NHEJ1: variants seen among roughly 807,000 people sequenced by gnomAD.
The protein encoded by NHEJ1 is non-homologous end joining factor 1.
NHEJ1 carries 22 observed loss-of-function variants against 39.4 expected under a neutral mutation model. The observed-to-expected ratio is 0.56, with a 90% CI of 0.40 to 0.80. The LOEUF is 0.80. Among genes scored for constraint, NHEJ1 ranks in the 30% least tolerant of loss-of-function variants. The pLI is 0.00. For synonymous variants in NHEJ1, 154 were observed against 135.6 expected (o/e 1.14, Z -0.94); for missense variants, 329 against 357.1 (o/e 0.92, Z 0.63).
chr2:219,087,727 T>C (rs1949124481), intron 5 of NHEJ1, among the ~76,000 whole-genome samples: 1 of 152,150 alleles, frequency 6.6e-6, no homozygotes, highest in Non-Finnish European at 1.5e-5. Flanking sequence ...GGTAAAGATT[T>C]CTTAACAGGA....
chr2:219,159,806 C>T (rs578202205), intron 1 of NHEJ1, among the ~76,000 whole-genome samples: 11 of 151,912 alleles, frequency 7.2e-5, no homozygotes, highest in African/African-American at 2.7e-4. Flanking sequence ...TTTCATCTCC[C>T]TTATAGGCAC....
intron 5 of NHEJ1, among the ~76,000 whole-genome samples, chr2:219,119,026 C>A (rs909582539): frequency 3.3e-5 from 5 of 152,170 alleles, no homozygotes; most frequent in African/African-American, 1.2e-4. Flanking sequence ...TTCTCAGGAC[C>A]AACAAACCTC....
At chr2:219,077,172 T>A in intron 7 of NHEJ1, 74 bp downstream of exon 7, 1 of 1,108,762 alleles carries the variant, frequency 9.0e-7, no homozygotes, top group Non-Finnish European at 1.4e-6. Context: ...AAGCAGCAAT[T>A]CCAGGGACCA....
At chr2:219,101,976 G>A (rs188849659) in intron 5 of NHEJ1, among the ~76,000 whole-genome samples, 1 of 151,976 alleles carries the variant, frequency 6.6e-6, no homozygotes, top group African/African-American at 2.4e-5. Context: ...CGCCCGCCTC[G>A]GCTTCCCAAA....
At chr2:219,105,057 T>C (rs768126862) in intron 5 of NHEJ1, among the ~76,000 whole-genome samples, 3 of 152,204 alleles carry the variant, frequency 2.0e-5, no homozygotes, top group Non-Finnish European at 2.9e-5. Flanking sequence ...TTGAGTGCTG[T>C]CACTGCTTGA....
chr2:219,072,794 A>C lies in NHEJ1; in HGVS notation c.*3587T>G, dbSNP rs879480341. ...GGCTTACTCTATACTCTCTGGAGCG[A>C]ATCTGTGTAGTTTTGTAAGTAGGAG... is the stretch of plus-strand genomic sequence containing the variant. On this transcript the variant is annotated 3_prime_UTR_variant, in exon 8 of 8. Coordinates refer to ENST00000356853, the MANE Select transcript of NHEJ1 (RefSeq NM_024782.3). Among the ~76,000 whole-genome samples the C allele has an allele frequency of 1.3e-5, 2 of 152,198 alleles. No individual in the cohort carries two copies. Among genetic ancestry groups the C allele is most frequent in the Admixed American group, 1.3e-4 (2 of 15,276 alleles).
At chr2:219,088,730 T>C (rs549295350) in intron 5 of NHEJ1, among the ~76,000 whole-genome samples, 28 of 152,344 alleles carry the variant, frequency 1.8e-4, no homozygotes, top group Admixed American at 7.8e-4. Flanking sequence ...GTTACACAGC[T>C]ATGTTAATTT....
At chr2:219,128,368 A>T (rs1949543961) in intron 5 of NHEJ1, among the ~76,000 whole-genome samples, 1 of 152,226 alleles carries the variant, frequency 6.6e-6, no homozygotes, top group African/African-American at 2.4e-5. Flanking sequence ...TTAAGACCAT[A>T]TGTCAGATTA....
At chr2:219,151,127 C>CA (rs59576120) in intron 3 of NHEJ1, among the ~76,000 whole-genome samples, 2,846 of 54,740 alleles carry the variant, frequency 0.052, 157 homozygotes, top group African/African-American at 0.16. Flanking sequence ...GACCTTATCT[C>CA]AAAAAAAAAA....
chr2:219,141,675 G>C (rs1041543248), intron 5 of NHEJ1, among the ~76,000 whole-genome samples: 4 of 152,116 alleles, frequency 2.6e-5, no homozygotes, highest in African/African-American at 9.7e-5. Context: ...AGGTGGAAAT[G>C]CCAAACATGC....
intron 5 of NHEJ1, among the ~76,000 whole-genome samples, chr2:219,110,484 T>C (rs376661442): frequency 6.6e-6 from 1 of 151,488 alleles, no homozygotes; most frequent in Non-Finnish European, 1.5e-5. Flanking sequence ...GTTTGCACCA[T>C]TGCACTCCAG....
chr2:219,135,344 C>T (rs769018364), intron 5 of NHEJ1, among the ~76,000 whole-genome samples: 1 of 152,116 alleles, frequency 6.6e-6, no homozygotes, highest in East Asian at 1.9e-4. Flanking sequence ...CAGTGGCTCA[C>T]GCCTGTAATC....
At chr2:219,139,368 A>T (rs1949668501) in intron 5 of NHEJ1, among the ~76,000 whole-genome samples, 1 of 152,028 alleles carries the variant, frequency 6.6e-6, no homozygotes, top group African/African-American at 2.4e-5. Flanking sequence ...GATTACAGGC[A>T]TGAGCCACCC....
At position 219,075,373 on chromosome 2, in the gene NHEJ1, G is replaced by A. The variant is rs763906447; in HGVS notation, c.*1008C>T. ...TATTATTGTTTGATCATCTTCTCTCGAGACTTGACATCAGGACAGAAACGC... is the reference window on the plus strand; with the variant it reads ...TATTATTGTTTGATCATCTTCTCTCAAGACTTGACATCAGGACAGAAACGC... On this transcript the variant is annotated 3_prime_UTR_variant, in exon 8 of 8. Coordinates refer to ENST00000356853, the MANE Select transcript of NHEJ1 (RefSeq NM_024782.3). The A allele has an allele frequency of 2.0e-5, 3 of 151,990 alleles. No homozygotes were observed. Among genetic ancestry groups the A allele is most frequent in the Non-Finnish European group, 2.9e-5 (2 of 68,010 alleles). 9.4% of individuals were successfully genotyped at this position (151,990 alleles called of 1,614,324 possible).
intron 5 of NHEJ1, among the ~76,000 whole-genome samples, chr2:219,103,948 C>T (rs1021468378): frequency 1.3e-5 from 2 of 152,122 alleles, no homozygotes; most frequent in African/African-American, 4.8e-5. Context: ...CTCTAGAGCA[C>T]ACATATGTAA....
At chr2:219,159,928 G>T (rs6705865) in intron 1 of NHEJ1, among the ~76,000 whole-genome samples, 76,192 of 151,822 alleles carry the variant, frequency 0.5, 21,492 homozygotes, top group Non-Finnish European at 0.64. Flanking sequence ...TTTGTCTGTT[G>T]GGTAAAGGGG....
At position 219,121,440 on chromosome 2, in the gene NHEJ1, T is replaced by C. The variant is rs1046276140; in HGVS notation, c.588+25240A>G. On this transcript the variant is annotated intron_variant, in intron 5 of 7. Coordinates refer to ENST00000356853, the MANE Select transcript of NHEJ1 (RefSeq NM_024782.3). ...CTACTCTCTGAATTAAATAATTCCATTGTCCTTGGATTTTTCTTATTTATC... is the reference window on the plus strand; with the variant it reads ...CTACTCTCTGAATTAAATAATTCCACTGTCCTTGGATTTTTCTTATTTATC... Among the ~76,000 whole-genome samples the C allele has an allele frequency of 2.0e-5, 3 of 152,234 alleles. No individual in the cohort carries two copies. The East Asian group carries it at 5.8e-4, about 29-fold the overall frequency.
intron 3 of NHEJ1, among the ~76,000 whole-genome samples, chr2:219,154,008 G>A (rs1949824745): frequency 6.6e-6 from 1 of 152,160 alleles, no homozygotes; most frequent in Non-Finnish European, 1.5e-5. Context: ...GTAAATACAA[G>A]GATAGTAACT....
At chr2:219,159,578 T>TATATATGCATATATATAC (rs1553549878) in intron 1 of NHEJ1, among the ~76,000 whole-genome samples, 1 of 56,328 alleles carries the variant, frequency 1.8e-5, no homozygotes, top group Non-Finnish European at 3.4e-5. Context: ...TATATATGCA[T>TATATATGCATATATATAC]ATATATATGC....
Sources: allele counts gnomAD v4.1 joint callset (sites outside exome capture counted in the v4.1 genomes callset), GRCh38; gene constraint gnomAD v4.1.1; transcripts MANE v1.5; gene names NCBI Gene and HGNC (gene_info 2026-07-23, HGNC 2026-07-21).